The following MYO9B variants were observed in gnomAD, a reference collection of about 807,000 sequenced individuals.
MYO9B encodes myosin IXB.
MYO9B carries 71 observed loss-of-function variants against 229.5 expected under a neutral mutation model. That is an observed-to-expected ratio of 0.31 (90% CI 0.26 to 0.38). The LOEUF (loss-of-function observed/expected upper bound fraction) is 0.38. Ranked by LOEUF, MYO9B falls within the 10% of genes least tolerant of loss-of-function variation. The pLI is 1.00. For missense variants in MYO9B, 2,255 were observed against 2,920.5 expected, an observed-to-expected ratio of 0.77 and a Z score of 5.25; for synonymous variants, 1,185 against 1,235.8, an observed-to-expected ratio of 0.96 and a Z score of 0.86.
chr19:17,162,310 C>T (rs747690214), intron 8 of MYO9B, 40 bp from the exon 9 acceptor site: 260 of 1,502,060 alleles, frequency 1.7e-4, no homozygotes, highest in Non-Finnish European at 1.8e-4. Context: ...AGCGCAGGGC[C>T]TGCCGTGCCG....
chr19:17,119,804 C>T (rs1464057214), intron 2 of MYO9B, among the ~76,000 whole-genome samples: 1 of 152,096 alleles, frequency 6.6e-6, no homozygotes, highest in Non-Finnish European at 1.5e-5. Flanking sequence ...GGCACCACCA[C>T]CATGGCCGGC....
rs745324934 is a variant in MYO9B, at chr19:17,183,697, C to T, written c.2334-132C>T. The T allele has an allele frequency of 1.1e-3, 824 of 718,512 alleles. 2 individuals carry two copies. The highest frequency in any genetic ancestry group is 1.6e-3 in the Non-Finnish European group (703 of 437,064). 44.5% of individuals were successfully genotyped at this position (718,512 alleles called of 1,614,324 possible). On this transcript the variant is annotated intron_variant, in intron 15 of 39. Coordinates refer to ENST00000682292, the MANE Select transcript of MYO9B (RefSeq NM_004145.4). Reference sequence around the variant, plus strand: ...GAGAGGTGGCGGTGGCCTTGTTGCACTTGCGCCTTCTCACTCTCTCCCCTC... The same window carrying T: ...GAGAGGTGGCGGTGGCCTTGTTGCATTTGCGCCTTCTCACTCTCTCCCCTC...
chr19:17,158,638 G>A (rs188392756), intron 7 of MYO9B, among the ~76,000 whole-genome samples: 118 of 151,852 alleles, frequency 7.8e-4, no homozygotes, highest in Admixed American at 2.3e-3. Context: ...CCCCACTCTT[G>A]CTGCTGGTGG....
intron 1 of MYO9B, among the ~76,000 whole-genome samples, chr19:17,096,780 A>G (rs1444179961): frequency 7.0e-6 from 1 of 143,248 alleles, no homozygotes; most frequent in African/African-American, 2.6e-5. Context: ...ATCTCAGCTC[A>G]CTGCAAGCTC....
intron 1 of MYO9B, among the ~76,000 whole-genome samples, chr19:17,090,118 CTTTTTTTTTTTTTTTTTTTTTT>C (rs59440394): frequency 5.5e-4 from 27 of 49,234 alleles, no homozygotes; most frequent in East Asian, 3.1e-3. Context: ...TGCTTCCTTC[CTTTTTTTTTTTTTTTTTTTTTT>C]TTTTTTTTTT....
At chr19:17,210,172 A>G (rs887314895) in intron 36 of MYO9B, among the ~76,000 whole-genome samples, 161 bp from the exon 37 acceptor site, 5 of 152,068 alleles carry the variant, frequency 3.3e-5, no homozygotes, top group African/African-American at 1.2e-4. Context: ...TAGCAGAAGA[A>G]TCAGCCCCAC....
chr19:17,085,235 C>G (rs1322644326), intron 1 of MYO9B, among the ~76,000 whole-genome samples: 2 of 152,154 alleles, frequency 1.3e-5, no homozygotes, highest in South Asian at 2.1e-4. Flanking sequence ...GAAAATGGAA[C>G]GAGCTCCCTG....
rs560039595 is a variant in MYO9B, at chr19:17,140,569, A to G, written c.841-4828A>G. Among the ~76,000 whole-genome samples, 373 of 150,856 alleles carry G rather than the reference A, an allele frequency of 2.5e-3. 1 individual carries two copies. The highest frequency in any genetic ancestry group is 8.6e-3 in the African/African-American group (355 of 41,130). The stretch of plus-strand genomic sequence containing the variant: ...AATGGCACGATCTCGGCTCACCGCA[A>G]CCTCCGCCTCCCGGGTTCAAGCGCT... On this transcript the variant is annotated intron_variant, in intron 2 of 39. Coordinates refer to ENST00000682292, the MANE Select transcript of MYO9B (RefSeq NM_004145.4).
chr19:17,184,324 G>T (rs1365944978), intron 16 of MYO9B, among the ~76,000 whole-genome samples: 2 of 152,154 alleles, frequency 1.3e-5, no homozygotes, highest in South Asian at 2.1e-4. Context: ...CCTCCCAAGC[G>T]CTCTGTCTCG....
chr19:17,148,242 C>A (rs1461850246), intron 3 of MYO9B, among the ~76,000 whole-genome samples: 1 of 152,206 alleles, frequency 6.6e-6, no homozygotes, highest in East Asian at 1.9e-4. Context: ...TAAGCTGCCT[C>A]CTTGTCTTGT....
chr19:17,212,447 C>T lies in MYO9B; in HGVS notation c.*137C>T, dbSNP rs1203545288. On this transcript the variant is annotated 3_prime_UTR_variant, in exon 40 of 40. Transcript: ENST00000682292. This position sits in a 1 kb window ranked among gnomAD's most constrained non-coding sequence, Gnocchi z 5.4. ...CTCAAGAGTGACGTGAGGTGGGCACCGGCCCCAAGTGCAGAGTCAAGGCAG... is the reference window on the plus strand; with the variant it reads ...CTCAAGAGTGACGTGAGGTGGGCACTGGCCCCAAGTGCAGAGTCAAGGCAG... 4.5e-6 allele frequency: 5 copies of T among 1,113,778 alleles called. No homozygotes were observed. The highest frequency in any genetic ancestry group is 3.6e-5 in the Admixed American group (1 of 27,888). The allele number at this position is 1,113,778 out of a possible 1,614,324, so 69.0% of individuals were successfully genotyped here. A position where few individuals can be genotyped will look rare whatever the true frequency, so the allele number is the denominator to read the frequency against.
rs770212200 is a variant in MYO9B at position 17,172,291 on chromosome 19, T to C, written c.1794-45T>C. 1 of 1,580,142 alleles carries C rather than the reference T, an allele frequency of 6.3e-7. No individual in the cohort carries two copies. The highest frequency in any genetic ancestry group is 1.1e-5 in the South Asian group (1 of 90,472). On this transcript the variant is annotated intron_variant, in intron 11 of 39. Coordinates refer to ENST00000682292, the MANE Select transcript of MYO9B (RefSeq NM_004145.4). This position sits in a 1 kb window ranked among gnomAD's most constrained non-coding sequence, Gnocchi z 8.2. ...CAAGATAAAATACACAGCAGGTAAA[T>C]CAGCCGCTGTTCATGCCTGCAAAGG...
intron 3 of MYO9B, among the ~76,000 whole-genome samples, chr19:17,147,862 A>G (rs1467035798): frequency 1.3e-5 from 2 of 151,402 alleles, no homozygotes; most frequent in Non-Finnish European, 2.9e-5. Flanking sequence ...TTGTATTTTT[A>G]GTAGAGATGG....
chr19:17,105,900 A>T (rs2057788139), intron 2 of MYO9B, among the ~76,000 whole-genome samples: 1 of 152,122 alleles, frequency 6.6e-6, no homozygotes, highest in South Asian at 2.1e-4. Flanking sequence ...CATTGTTTAC[A>T]TCAGCTTTTA....
intron 31 of MYO9B, 115 bp from the exon 32 acceptor site, chr19:17,205,845 A>G: frequency 9.7e-7 from 1 of 1,036,142 alleles, no homozygotes; most frequent in Non-Finnish European, 1.4e-6. Context: ...GGAGGGACAG[A>G]ACAGCAGAGG....
At chr19:17,138,110 C>T (rs2072293755) in intron 2 of MYO9B, among the ~76,000 whole-genome samples, 1 of 152,056 alleles carries the variant, frequency 6.6e-6, no homozygotes, top group South Asian at 2.1e-4. Context: ...TCCATGTGTT[C>T]TCATTGTTCA....
rs1387984723 is a variant in MYO9B at position 17,206,794 on chromosome 19, T to TC, written c.5492+14dup. ...TCTTCCACCTTGTCAAGCAAGTGCC[T>TC]CCCCACCTGCCCTCTGTGGGGTTAG... On this transcript the variant is annotated intron_variant, in intron 34 of 39. Transcript: ENST00000682292. 1.3e-6 allele frequency: 2 copies of TC among 1,561,900 alleles called. No individual in the cohort carries two copies. Among genetic ancestry groups the TC allele is most frequent in the Non-Finnish European group, 1.7e-6 (2 of 1,149,638 alleles).
intron 2 of MYO9B, among the ~76,000 whole-genome samples, chr19:17,105,153 T>C (rs553267079): frequency 9.9e-5 from 15 of 151,990 alleles, no homozygotes; most frequent in African/African-American, 3.6e-4. Context: ...TGCAGGCTTT[T>C]CAGACTGGCT....
intron 34 of MYO9B, 122 bp from the exon 35 acceptor site, chr19:17,206,991 G>A: frequency 7.8e-6 from 11 of 1,412,274 alleles, no homozygotes; most frequent in Non-Finnish European, 1.1e-5. Context: ...GCATCTCCCA[G>A]TGCTGGGCTG....
Sources: gnomAD v4.1 joint callset for allele counts (sites outside exome capture counted in the v4.1 genomes callset) on GRCh38, gnomAD v4.1.1 for gene constraint, Gnocchi (gnomAD v3.1) non-coding constraint, MANE v1.5 for transcripts, NCBI Gene and HGNC (gene_info 2026-07-23, HGNC 2026-07-21) for gene names.